GPC3: variants seen among roughly 807,000 people sequenced by gnomAD.
GPC3 encodes the protein glypican 3, also known as glypican-3.
GPC3 carries 3 observed loss-of-function variants against 34.4 expected under a neutral mutation model. The observed-to-expected ratio is 0.09, with a 90% CI of 0.04 to 0.23. The LOEUF is 0.23. Ranked by LOEUF, GPC3 falls within the 10% of genes least tolerant of loss-of-function variation. GPC3 has a pLI of 1.00. For missense variants in GPC3, 351 were observed against 445.6 expected, an observed-to-expected ratio of 0.79 and a Z score of 1.91; for synonymous variants, 177 against 174.0, an observed-to-expected ratio of 1.02 and a Z score of -0.13.
At chrX:133,649,287 T>C (rs2070574163) in intron 6 of GPC3, among the ~76,000 whole-genome samples, 1 of 110,692 alleles carries the variant, frequency 9.0e-6, no homozygotes, top group Non-Finnish European at 1.9e-5. Context: ...TGTGTGTGTG[T>C]GTGTGTGTAT....
chrX:133,584,012 G>A (rs769919387), intron 7 of GPC3, among the ~76,000 whole-genome samples: 2 of 111,554 alleles, frequency 1.8e-5, no homozygotes, highest in African/African-American at 3.3e-5. Flanking sequence ...AACACCCTAT[G>A]TTTCACATGC....
chrX:133,858,138 T>C (rs1278682505), intron 2 of GPC3, among the ~76,000 whole-genome samples: 1 of 111,802 alleles, frequency 8.9e-6, no homozygotes, highest in African/African-American at 3.3e-5. Context: ...AAGGAGTGTC[T>C]TGCCATTATC....
intron 2 of GPC3, among the ~76,000 whole-genome samples, chrX:133,782,264 C>T (rs573185626): frequency 2.7e-5 from 3 of 111,940 alleles, no homozygotes; most frequent in African/African-American, 6.5e-5. Context: ...AGACCTTCAC[C>T]GTAATTATTA....
chrX:133,656,719 A>G (rs1167425712), intron 6 of GPC3, among the ~76,000 whole-genome samples: 1 of 111,555 alleles, frequency 9.0e-6, no homozygotes, highest in African/African-American at 3.3e-5. Flanking sequence ...TCATAGCCTA[A>G]TGAGAACAAG....
intron 7 of GPC3, among the ~76,000 whole-genome samples, chrX:133,548,731 C>T (rs923307178): frequency 9.0e-6 from 1 of 111,320 alleles, no homozygotes; most frequent in Non-Finnish European, 1.9e-5. Flanking sequence ...GGGAAGGACC[C>T]GGTGGGAGGT....
intron 7 of GPC3, among the ~76,000 whole-genome samples, chrX:133,550,688 C>A (rs1193429648): frequency 8.9e-6 from 1 of 111,953 alleles, no homozygotes; most frequent in African/African-American, 3.2e-5. Context: ...GAAGGGCTGC[C>A]TCCTTACAAG....
At chrX:133,784,171 C>T (rs1241792113) in intron 2 of GPC3, among the ~76,000 whole-genome samples, 3 of 111,795 alleles carry the variant, frequency 2.7e-5, no homozygotes, top group South Asian at 7.6e-4. Flanking sequence ...AAAGCTGCTG[C>T]GCCTTTTTAA....
At chrX:133,577,012 G>A (rs2069689639) in intron 7 of GPC3, among the ~76,000 whole-genome samples, 1 of 111,659 alleles carries the variant, frequency 9.0e-6, no homozygotes, top group Non-Finnish European at 1.9e-5. Flanking sequence ...CTCATGATCT[G>A]AGTTCAGGGT....
chrX:133,762,705 C>A, intron 2 of GPC3: 1 of 347,950 alleles, frequency 2.9e-6, no homozygotes, highest in East Asian at 5.8e-5. Context: ...ATTAAAAAGT[C>A]AAAAAACAAC....
intron 2 of GPC3, among the ~76,000 whole-genome samples, chrX:133,851,011 G>A (rs2075871594): frequency 9.0e-6 from 1 of 111,218 alleles, no homozygotes; most frequent in Non-Finnish European, 1.9e-5. Flanking sequence ...GGCTGAGGCA[G>A]AAGAATTGCT....
At chrX:133,766,983 G>C (rs1273023213) in intron 2 of GPC3, among the ~76,000 whole-genome samples, 1 of 112,160 alleles carries the variant, frequency 8.9e-6, no homozygotes, top group Non-Finnish European at 1.9e-5. Context: ...TTACAGATAA[G>C]AAAACTGAGG....
chrX:133,971,636 C>T (rs2076494193), intron 1 of GPC3, among the ~76,000 whole-genome samples: 2 of 111,096 alleles, frequency 1.8e-5, no homozygotes, highest in Admixed American at 9.6e-5. Flanking sequence ...AACCATAAAG[C>T]ACCTTCTGTT....
intron 3 of GPC3, among the ~76,000 whole-genome samples, chrX:133,738,175 A>T (rs2071528223): frequency 8.9e-6 from 1 of 111,831 alleles, no homozygotes; most frequent in African/African-American, 3.2e-5. Context: ...CTATGTTGCC[A>T]CTGGTCTCGA....
intron 2 of GPC3, chrX:133,763,020 T>C (rs1174194373): frequency 1.2e-5 from 9 of 732,008 alleles, no homozygotes; most frequent in Non-Finnish European, 1.7e-5. Context: ...CTGATGTCAG[T>C]GTCATATCCT....
intron 6 of GPC3, among the ~76,000 whole-genome samples, chrX:133,630,500 A>T (rs758508951): frequency 1.8e-5 from 2 of 112,098 alleles, no homozygotes; most frequent in East Asian, 5.6e-4. Context: ...TCTTGCTTGG[A>T]AATGGCTGCT....
chrX:133,850,194 GTT>G (rs749809263), intron 2 of GPC3, among the ~76,000 whole-genome samples: 6 of 67,984 alleles, frequency 8.8e-5, no homozygotes, highest in Middle Eastern at 9.0e-3. Flanking sequence ...TTTGGGTTTT[GTT>G]TTTTTTTTTT....
At chrX:133,984,956 A>G (rs1490283407) in intron 1 of GPC3, among the ~76,000 whole-genome samples, 1 of 111,619 alleles carries the variant, frequency 9.0e-6, no homozygotes, top group African/African-American at 3.3e-5. Flanking sequence ...GCCAGTTCGC[A>G]GAGACCCGGG....
intron 2 of GPC3, among the ~76,000 whole-genome samples, chrX:133,938,095 G>A (rs1381123925): frequency 2.7e-5 from 3 of 112,028 alleles, no homozygotes; most frequent in African/African-American, 9.7e-5. Flanking sequence ...AATTGATGAA[G>A]GGGAAGGATG....
chrX:133,932,655 G>C (rs181916428), intron 2 of GPC3, among the ~76,000 whole-genome samples: 1 of 111,840 alleles, frequency 8.9e-6, no homozygotes, highest in African/African-American at 3.2e-5. Flanking sequence ...GAGTGGAATG[G>C]AGTTTTAGAG....
Sources: gnomAD v4.1 joint callset for allele counts (sites outside exome capture counted in the v4.1 genomes callset) on GRCh38, gnomAD v4.1.1 for gene constraint, MANE v1.5 for transcripts, NCBI Gene and HGNC (gene_info 2026-07-23, HGNC 2026-07-21) for gene names.